Variants in DNAH11 observed in about 807,000 individuals in gnomAD.
The protein encoded by DNAH11 is axonemal beta dynein heavy chain 11.
A neutral mutation model predicts 526.0 loss-of-function variants in DNAH11; 442 were observed. The observed-to-expected ratio is 0.84, with a 90% CI of 0.78 to 0.91. The LOEUF is 0.91. Among genes scored for constraint, DNAH11 ranks in the 40% least tolerant of loss-of-function variants. DNAH11 has a pLI of 0.00. For missense variants in DNAH11, 6,989 were observed against 5,448.7 expected, an observed-to-expected ratio of 1.28 and a Z score of -8.90; for synonymous variants, 2,461 against 1,935.9, an observed-to-expected ratio of 1.27 and a Z score of -7.12.
intron 2 of DNAH11, among the ~76,000 whole-genome samples, chr7:21,550,489 G>T (rs990673296): frequency 1.3e-5 from 2 of 152,156 alleles, no homozygotes; most frequent in Non-Finnish European, 2.9e-5. Flanking sequence ...CTTGTAGAGG[G>T]ATAATCCCAA....
chr7:21,855,625 C>A (rs1782814905), intron 68 of DNAH11, among the ~76,000 whole-genome samples: 1 of 152,202 alleles, frequency 6.6e-6, no homozygotes, highest in African/African-American at 2.4e-5. Flanking sequence ...GCATTTCAAC[C>A]TGTAACTGTT....
Position 21,658,965 on chromosome 7 carries a change from A to G in DNAH11, c.5262A>G (p.Val1754=), listed in dbSNP as rs370864058. The G allele has an allele frequency of 2.5e-6, 4 of 1,610,744 alleles. 1 individual carries two copies. The highest frequency in any genetic ancestry group is 3.3e-4 in the Middle Eastern group (2 of 6,078). The change falls in exon 30 of 82, where the codon GTA becomes GTG. Residue 1754 remains valine (V), a synonymous_variant. Transcript: ENST00000409508. ...TSSQIWWTTD[V]GIAFSRLEEG... ...CACAAATATGGTGGACCACAGATGT[A>G]GGAATAGCCTTCAGTAGACTGGAAG...
chr7:21,689,301 G>A (rs894921812), intron 34 of DNAH11, among the ~76,000 whole-genome samples: 5 of 152,198 alleles, frequency 3.3e-5, no homozygotes, highest in African/African-American at 9.7e-5. Context: ...ACTGATCCAT[G>A]TACTGATTTC....
rs11763025 is a variant in DNAH11, at chr7:21,880,547, C to T, written c.12196-155C>T. On this transcript the variant is annotated intron_variant, in intron 74 of 81. Coordinates refer to ENST00000409508, the MANE Select transcript of DNAH11 (RefSeq NM_001277115.2). The stretch of plus-strand genomic sequence containing the variant: ...CAGACTGGCAAATGCCAAATAATCT[C>T]CTGTTAAGCTTCTCATTGGATAAGT... Among the ~76,000 whole-genome samples the T allele has an allele frequency of 0.27, 41,714 of 152,196 alleles. 7,057 individuals are homozygous for T. Among genetic ancestry groups the T allele is most frequent in the Non-Finnish European group, 0.37 (25,337 of 67,994 alleles).
At chr7:21,702,133 C>A (rs1337001129) in intron 36 of DNAH11, among the ~76,000 whole-genome samples, 1 of 152,156 alleles carries the variant, frequency 6.6e-6, no homozygotes, top group Non-Finnish European at 1.5e-5. Flanking sequence ...TTCTGAGATC[C>A]TCTAAGAGCT....
chr7:21,551,646 A>G (rs975700582), intron 2 of DNAH11, among the ~76,000 whole-genome samples: 11 of 152,192 alleles, frequency 7.2e-5, no homozygotes, highest in African/African-American at 2.7e-4. Flanking sequence ...CCCATAAATG[A>G]CAGCATGGCC....
At chr7:21,723,968 C>T (rs1328656700) in intron 44 of DNAH11, among the ~76,000 whole-genome samples, 7 of 152,212 alleles carry the variant, frequency 4.6e-5, no homozygotes, top group African/African-American at 1.2e-4. Context: ...CTCAGCTGGA[C>T]GACACATCTT....
chr7:21,715,225 C>T (rs1784607638), intron 42 of DNAH11, among the ~76,000 whole-genome samples: 1 of 152,148 alleles, frequency 6.6e-6, no homozygotes, highest in Admixed American at 6.6e-5. Flanking sequence ...AGGATCCAAC[C>T]CCAGAGGCCT....
intron 74 of DNAH11, among the ~76,000 whole-genome samples, chr7:21,880,268 A>G (rs1343539519): frequency 1.3e-5 from 2 of 152,172 alleles, no homozygotes; most frequent in African/African-American, 2.4e-5. Flanking sequence ...AAGGGTGTCC[A>G]TGTGCCCAGA....
chr7:21,805,948 C>T (rs1386483248), intron 62 of DNAH11, among the ~76,000 whole-genome samples: 1 of 152,168 alleles, frequency 6.6e-6, no homozygotes, highest in African/African-American at 2.4e-5. Context: ...GCCATTCAGA[C>T]TAATAAATCA....
chr7:21,661,706 A>G (rs536350134), intron 30 of DNAH11, among the ~76,000 whole-genome samples: 37 of 152,262 alleles, frequency 2.4e-4, no homozygotes, highest in African/African-American at 8.9e-4. Context: ...CTATGTGACT[A>G]TGGACAAGCT....
intron 76 of DNAH11, among the ~76,000 whole-genome samples, chr7:21,885,123 C>G (rs1449225474): frequency 7.6e-6 from 1 of 131,558 alleles, no homozygotes; most frequent in Non-Finnish European, 1.6e-5. Flanking sequence ...TATATATCAA[C>G]CAAGGGCAAG....
At chr7:21,603,797 T>C (rs140459241) in intron 18 of DNAH11, among the ~76,000 whole-genome samples, 500 of 152,294 alleles carry the variant, frequency 3.3e-3, no homozygotes, top group Non-Finnish European at 4.9e-3. Context: ...TGTTGAACCT[T>C]AAACTATATC....
intron 5 of DNAH11, 65 bp downstream of exon 5, chr7:21,561,235 G>C: frequency 8.2e-7 from 1 of 1,217,024 alleles, no homozygotes; most frequent in Non-Finnish European, 1.2e-6. Context: ...GCCCCTGCCT[G>C]CTCGGCCTTG....
chr7:21,612,369 T>C lies in DNAH11; in HGVS notation c.3853-2745T>C, dbSNP rs562433225. Reference sequence around the variant, plus strand: ...AGGAGATCGAGACCATCCTGGCTAATACGGTGAAACCCTGTCTCTACTAAA... The same window carrying C: ...AGGAGATCGAGACCATCCTGGCTAACACGGTGAAACCCTGTCTCTACTAAA... On this transcript the variant is annotated intron_variant, in intron 20 of 81. Coordinates refer to ENST00000409508, the MANE Select transcript of DNAH11 (RefSeq NM_001277115.2). 6.9e-3 allele frequency among the ~76,000 whole-genome samples: 1,043 copies of C among 151,734 alleles called. 4 individuals are homozygous for C. The highest frequency in any genetic ancestry group is 0.01 in the Middle Eastern group (3 of 294).
At chr7:21,852,345 C>A in intron 66 of DNAH11, 122 bp from the exon 67 acceptor site, 1 of 960,052 alleles carries the variant, frequency 1.0e-6, no homozygotes, top group Non-Finnish European at 1.5e-6. Flanking sequence ...AGGCACACGT[C>A]GCAGTGAGCC....
chr7:21,826,871 G>A (rs191343420), intron 65 of DNAH11, among the ~76,000 whole-genome samples: 40 of 152,254 alleles, frequency 2.6e-4, no homozygotes, highest in Non-Finnish European at 4.9e-4. Flanking sequence ...TTGTTTGGGG[G>A]AGTTGTTGTT....
intron 63 of DNAH11, among the ~76,000 whole-genome samples, chr7:21,811,296 C>CT (rs200382264): frequency 0.012 from 1,791 of 151,382 alleles, 40 homozygotes; most frequent in African/African-American, 0.041. Context: ...AACCCCCCCC[C>CT]CTACTAAAAA....
intron 61 of DNAH11, among the ~76,000 whole-genome samples, chr7:21,793,731 T>A (rs1435965822): frequency 4.6e-5 from 7 of 152,238 alleles, no homozygotes; most frequent in Non-Finnish European, 8.8e-5. Context: ...CTTTGTTGAT[T>A]TCATGTCTGG....
Sources: allele counts gnomAD v4.1 joint callset (sites outside exome capture counted in the v4.1 genomes callset), GRCh38; gene constraint gnomAD v4.1.1; transcripts MANE v1.5; gene names NCBI Gene and HGNC (gene_info 2026-07-23, HGNC 2026-07-21).